Variants in RIMS2 observed in about 807,000 individuals in gnomAD.
RIMS2 encodes the protein regulating synaptic membrane exocytosis 2, also known as regulating synaptic membrane exocytosis protein 2.
A neutral mutation model predicts 174.4 loss-of-function variants in RIMS2; 59 were observed. That is an observed-to-expected ratio of 0.34 (90% CI 0.27 to 0.42). The LOEUF (loss-of-function observed/expected upper bound fraction) is 0.42. Ranked by LOEUF, RIMS2 falls within the 10% of genes least tolerant of loss-of-function variation. The pLI is 1.00. For synonymous variants in RIMS2, 606 were observed against 572.5 expected (o/e 1.06, Z -0.84); for missense variants, 1,620 against 1,666.3 (o/e 0.97, Z 0.48).
chr8:104,096,082 A>T lies in RIMS2; in HGVS notation c.3334+81467A>T, dbSNP rs572614232. Among the ~76,000 whole-genome samples the T allele has an allele frequency of 7.2e-5, 11 of 152,286 alleles. No homozygotes were observed. The South Asian group carries it at 2.1e-3, about 29-fold the overall frequency. ...TAATTACATTGGTTTACTAATAAAG[A>T]TGACCATTTTTCTGATTTGTTGGGC... On this transcript the variant is annotated intron_variant, in intron 19 of 23. Coordinates refer to ENST00000504942, the Ensembl canonical transcript of RIMS2.
At chr8:104,180,514 A>G (rs973716866) in intron 19 of RIMS2, among the ~76,000 whole-genome samples, 1 of 151,702 alleles carries the variant, frequency 6.6e-6, no homozygotes, top group African/African-American at 2.4e-5. Context: ...AAGTAGATCA[A>G]TATGACTAGC....
rs201980502 is a variant in RIMS2 at position 103,766,285 on chromosome 8, C to G, written c.446C>G (p.Ala149Gly). 148 of 1,613,298 alleles carry G rather than the reference C, an allele frequency of 9.2e-5. 1 individual carries two copies. The highest frequency in any genetic ancestry group is 1.2e-4 in the Non-Finnish European group (140 of 1,179,496). Reference sequence around the variant, plus strand: ...CAAGAAATCCTCACTAAATCAGGAGCATGGTTTTATAATAGTGGATCTAAT... The same window carrying G: ...CAAGAAATCCTCACTAAATCAGGAGGATGGTTTTATAATAGTGGATCTAAT... Residue 149 changes from alanine to glycine, a missense_variant, in exon 3 of 24, where the codon GCA becomes GGA. Transcript: ENST00000504942.
At chr8:103,624,912 C>A (rs775122062) in intron 1 of RIMS2, among the ~76,000 whole-genome samples, 1 of 152,060 alleles carries the variant, frequency 6.6e-6, no homozygotes, top group Non-Finnish European at 1.5e-5. Context: ...AAATGGTGCA[C>A]AGAAAATACT....
intron 3 of RIMS2, among the ~76,000 whole-genome samples, chr8:103,872,886 A>G (rs578197122): frequency 1.3e-5 from 2 of 152,276 alleles, no homozygotes; most frequent in South Asian, 4.1e-4. Context: ...TTCTATTTGT[A>G]AGAAATTAGA....
intron 11 of RIMS2, among the ~76,000 whole-genome samples, chr8:103,930,679 A>G (rs1442053828): frequency 6.7e-6 from 1 of 149,996 alleles, no homozygotes; most frequent in Non-Finnish European, 1.5e-5. Context: ...AATGAGACTT[A>G]ATGTCTGAAT....
At chr8:103,703,905 T>G (rs907888672) in intron 2 of RIMS2, among the ~76,000 whole-genome samples, 1 of 152,116 alleles carries the variant, frequency 6.6e-6, no homozygotes, top group Admixed American at 6.6e-5. Context: ...TTTACGGTTT[T>G]AACATAAGAC....
At chr8:103,713,644 C>T (rs955162838) in intron 2 of RIMS2, among the ~76,000 whole-genome samples, 2 of 152,154 alleles carry the variant, frequency 1.3e-5, no homozygotes, top group African/African-American at 4.8e-5. Context: ...TAATTGGTCT[C>T]TCTGCTTCAG....
intron 15 of RIMS2, among the ~76,000 whole-genome samples, chr8:103,974,921 C>T (rs1424946822): frequency 6.6e-6 from 1 of 151,878 alleles, no homozygotes; most frequent in Non-Finnish European, 1.5e-5. Flanking sequence ...AACTTTTTAT[C>T]ACTGAAAAAA....
At chr8:103,640,595 C>G (rs886754362) in intron 1 of RIMS2, among the ~76,000 whole-genome samples, 3 of 151,944 alleles carry the variant, frequency 2.0e-5, no homozygotes, top group African/African-American at 7.2e-5. Flanking sequence ...TATTTTTAAT[C>G]TATTTTGAGA....
chr8:104,200,905 C>T (rs1336652739), intron 19 of RIMS2, among the ~76,000 whole-genome samples: 8 of 152,114 alleles, frequency 5.3e-5, no homozygotes, highest in Non-Finnish European at 1.0e-4. Context: ...ACAGTGAGAC[C>T]CTGTCTCAAA....
intron 15 of RIMS2, among the ~76,000 whole-genome samples, chr8:103,964,308 T>C (rs2091144918): frequency 6.6e-6 from 1 of 152,228 alleles, no homozygotes; most frequent in Non-Finnish European, 1.5e-5. Flanking sequence ...TGAGAGCTCC[T>C]GTTGTTCCAC....
At chr8:103,887,271 T>A (rs547557588) in intron 4 of RIMS2, among the ~76,000 whole-genome samples, 1 of 151,848 alleles carries the variant, frequency 6.6e-6, no homozygotes, top group African/African-American at 2.4e-5. Context: ...GTTTTTCTAT[T>A]ATTGATTTAT....
intron 1 of RIMS2, among the ~76,000 whole-genome samples, chr8:103,627,044 G>T (rs757662877): frequency 6.6e-6 from 1 of 152,126 alleles, no homozygotes; most frequent in Non-Finnish European, 1.5e-5. Context: ...ATCCTACTAA[G>T]CCTGAGGGTA....
intron 4 of RIMS2, among the ~76,000 whole-genome samples, chr8:103,905,775 C>CTTTTTTTTTTTTTTTTT (rs60157494): frequency 1.6e-5 from 2 of 122,058 alleles, no homozygotes; most frequent in Admixed American, 8.2e-5. Context: ...ATTTTCTTTT[C>CTTTTTTTTTTTTTTTTT]TTTTTTTTTT....
At chr8:103,861,484 T>C (rs1437432129) in intron 3 of RIMS2, among the ~76,000 whole-genome samples, 1 of 152,130 alleles carries the variant, frequency 6.6e-6, no homozygotes, top group African/African-American at 2.4e-5. Flanking sequence ...TATTTTCGTC[T>C]GGGTAGACAC....
intron 2 of RIMS2, among the ~76,000 whole-genome samples, chr8:103,737,954 A>T (rs1221861033): frequency 6.6e-6 from 1 of 152,096 alleles, no homozygotes; most frequent in Non-Finnish European, 1.5e-5. Context: ...TATTTTGTTT[A>T]TATGTCTGTT....
At chr8:104,050,879 C>T (rs1033921374) in intron 19 of RIMS2, among the ~76,000 whole-genome samples, 1 of 151,894 alleles carries the variant, frequency 6.6e-6, no homozygotes, top group African/African-American at 2.4e-5. Flanking sequence ...TTTTTTGAAT[C>T]CCTTACTCTT....
chr8:103,990,775 T>C (rs1446820218), intron 17 of RIMS2, among the ~76,000 whole-genome samples: 1 of 151,960 alleles, frequency 6.6e-6, no homozygotes, highest in Non-Finnish European at 1.5e-5. Context: ...AGAGAGAAAA[T>C]TCTGAAATGA....
chr8:103,631,574 G>T (rs1032360057), intron 1 of RIMS2, among the ~76,000 whole-genome samples: 1 of 152,166 alleles, frequency 6.6e-6, no homozygotes, highest in Non-Finnish European at 1.5e-5. Flanking sequence ...GATGCCACTG[G>T]CTTTTTTCTC....
Sources: gnomAD v4.1 joint callset for allele counts (sites outside exome capture counted in the v4.1 genomes callset) on GRCh38, gnomAD v4.1.1 for gene constraint, MANE v1.5 for transcripts, NCBI Gene and HGNC (gene_info 2026-07-23, HGNC 2026-07-21) for gene names.